Variants in PHLPP1 observed in about 807,000 individuals in gnomAD.
PHLPP1 encodes PH domain and leucine rich repeat protein phosphatase 1.
A neutral mutation model predicts 117.2 loss-of-function variants in PHLPP1; 42 were observed. That is an observed-to-expected ratio of 0.36 (90% CI 0.28 to 0.46). PHLPP1 has a LOEUF of 0.46. Ranked by LOEUF, PHLPP1 falls within the 20% of genes least tolerant of loss-of-function variation. The pLI is 1.00. For missense variants in PHLPP1, 2,084 were observed against 2,241.9 expected, an observed-to-expected ratio of 0.93 and a Z score of 1.42; for synonymous variants, 1,042 against 970.7, an observed-to-expected ratio of 1.07 and a Z score of -1.37.
intron 3 of PHLPP1, among the ~76,000 whole-genome samples, chr18:62,840,052 T>C (rs756980823): frequency 6.6e-6 from 1 of 152,122 alleles, no homozygotes; most frequent in South Asian, 2.1e-4. Flanking sequence ...TAATTTAACT[T>C]GTTATCCAAG....
intron 1 of PHLPP1, among the ~76,000 whole-genome samples, chr18:62,724,795 G>A (rs1012442536): frequency 6.6e-6 from 1 of 152,122 alleles, no homozygotes. Context: ...TTGTAAGAAA[G>A]GAACTTCTGA....
At chr18:62,779,708 G>A (rs1913066619) in intron 1 of PHLPP1, 1 of 152,146 alleles carries the variant, frequency 6.6e-6, no homozygotes, top group African/African-American at 2.4e-5. Context: ...GTTCTGTCTC[G>A]TATTCAATTT....
chr18:62,849,517 C>T (rs990731916), intron 3 of PHLPP1, among the ~76,000 whole-genome samples: 3 of 151,228 alleles, frequency 2.0e-5, no homozygotes, highest in African/African-American at 7.3e-5. Flanking sequence ...AAAAATTAGC[C>T]AGGCATTGTG....
chr18:62,868,786 A>G (rs1297631897), intron 4 of PHLPP1, among the ~76,000 whole-genome samples: 2 of 152,210 alleles, frequency 1.3e-5, no homozygotes, highest in African/African-American at 4.8e-5. Context: ...ATGTCTGATA[A>G]GACAGTATTA....
At chr18:62,853,809 G>A (rs1172838799) in intron 3 of PHLPP1, among the ~76,000 whole-genome samples, 1 of 152,218 alleles carries the variant, frequency 6.6e-6, no homozygotes, top group African/African-American at 2.4e-5. Context: ...AACGACGAGA[G>A]CATTGGCTTA....
At chr18:62,826,617 CT>C (rs1914619613) in intron 1 of PHLPP1, among the ~76,000 whole-genome samples, 1 of 152,094 alleles carries the variant, frequency 6.6e-6, no homozygotes, top group African/African-American at 2.4e-5. Context: ...ATTAGATGCT[CT>C]TTTTTGCCCC....
intron 1 of PHLPP1, among the ~76,000 whole-genome samples, chr18:62,727,361 C>T (rs1371021341): frequency 2.0e-5 from 3 of 152,046 alleles, no homozygotes; most frequent in Admixed American, 2.0e-4. Flanking sequence ...GTATTTCCCA[C>T]ACTTTGGGAG....
chr18:62,729,447 A>G (rs982479532), intron 1 of PHLPP1, among the ~76,000 whole-genome samples: 4 of 152,214 alleles, frequency 2.6e-5, no homozygotes, highest in African/African-American at 9.7e-5. Flanking sequence ...CTGTAATCCC[A>G]GCACTTTGGG....
intron 1 of PHLPP1, among the ~76,000 whole-genome samples, chr18:62,792,847 T>A (rs1456022149): frequency 8.2e-6 from 1 of 121,470 alleles, no homozygotes; most frequent in South Asian, 2.5e-4. Flanking sequence ...CCAGCCTTGG[T>A]GAGAGAGCGA....
rs539187779 is a variant in PHLPP1, at chr18:62,972,190, G to T, written c.3561-324G>T. Among the ~76,000 whole-genome samples, 160 of 152,278 alleles carry T rather than the reference G, an allele frequency of 1.1e-3. 1 individual carries two copies. The highest frequency in any genetic ancestry group is 3.7e-3 in the African/African-American group (155 of 41,548). On this transcript the variant is annotated intron_variant, in intron 14 of 16. Transcript: ENST00000262719. ...AGATTGTGGTTAATAACTGCTTATTGAATGTATGTGTAGATATGGATTCAT... is the reference window on the plus strand; with the variant it reads ...AGATTGTGGTTAATAACTGCTTATTTAATGTATGTGTAGATATGGATTCAT...
chr18:62,914,876 C>A, intron 8 of PHLPP1, 37 bp from the exon 9 acceptor site: 2 of 1,461,440 alleles, frequency 1.4e-6, no homozygotes, highest in Non-Finnish European at 1.9e-6. Flanking sequence ...CATTTGAGGA[C>A]AAATTCAACC....
intron 4 of PHLPP1, among the ~76,000 whole-genome samples, chr18:62,867,733 T>C (rs1429225307): frequency 6.6e-6 from 1 of 152,174 alleles, no homozygotes; most frequent in South Asian, 2.1e-4. Context: ...GAGAAACCCT[T>C]TGGTATTCTG....
At position 62,806,020 on chromosome 18, in the gene PHLPP1, T is replaced by C. The variant is rs1913941177; in HGVS notation, c.1577-24015T>C. 2.0e-5 allele frequency among the ~76,000 whole-genome samples: 3 copies of C among 152,208 alleles called. 1 individual carries two copies. The South Asian group carries it at 6.2e-4, about 31-fold the overall frequency. On this transcript the variant is annotated intron_variant, in intron 1 of 16. Transcript: ENST00000262719. ...AGAAGTAATGGTTGTTCTGTTTCTTTTGTAGTATTCTAAATGCAAACAAAG... is the reference window on the plus strand; with the variant it reads ...AGAAGTAATGGTTGTTCTGTTTCTTCTGTAGTATTCTAAATGCAAACAAAG...
intron 10 of PHLPP1, among the ~76,000 whole-genome samples, chr18:62,930,924 T>C (rs1283362912): frequency 6.6e-6 from 1 of 152,118 alleles, no homozygotes; most frequent in African/African-American, 2.4e-5. Context: ...GTGCGGTGGC[T>C]CATGCCTGTA....
intron 1 of PHLPP1, among the ~76,000 whole-genome samples, chr18:62,717,806 A>T (rs1599010654): frequency 1.3e-5 from 2 of 150,668 alleles, no homozygotes; most frequent in East Asian, 3.9e-4. Context: ...CCCTCATTAG[A>T]AATCTGACAA....
At chr18:62,879,494 C>T (rs1279109943) in intron 4 of PHLPP1, among the ~76,000 whole-genome samples, 1 of 151,558 alleles carries the variant, frequency 6.6e-6, no homozygotes, top group African/African-American at 2.4e-5. Flanking sequence ...TCACTGCAAC[C>T]TCCGCCTCCT....
At chr18:62,756,277 T>G (rs998876990) in intron 1 of PHLPP1, among the ~76,000 whole-genome samples, 1 of 152,104 alleles carries the variant, frequency 6.6e-6, no homozygotes, top group Non-Finnish European at 1.5e-5. Flanking sequence ...AAAAGAAAGT[T>G]CTAGAGGGCT....
chr18:62,963,665 A>G (rs1256522559), intron 14 of PHLPP1, among the ~76,000 whole-genome samples, 193 bp downstream of exon 14: 1 of 152,216 alleles, frequency 6.6e-6, no homozygotes, highest in Non-Finnish European at 1.5e-5. Flanking sequence ...GTTTGGAATC[A>G]CATAGTCTCC....
chr18:62,858,506 A>C (rs1599086741), intron 3 of PHLPP1, among the ~76,000 whole-genome samples: 1 of 152,076 alleles, frequency 6.6e-6, no homozygotes, highest in African/African-American at 2.4e-5. Context: ...CAAATGATCC[A>C]CCTGCCTTGG....
Sources: allele counts gnomAD v4.1 joint callset (sites outside exome capture counted in the v4.1 genomes callset), GRCh38; gene constraint gnomAD v4.1.1; transcripts MANE v1.5; gene names NCBI Gene and HGNC (gene_info 2026-07-23, HGNC 2026-07-21).